Variants in DHRSX observed in about 807,000 individuals in gnomAD.
DHRSX encodes dehydrogenase/reductase X-linked.
Under a neutral mutation model 34.0 loss-of-function variants are expected in DHRSX, and 31 were observed. The ratio of observed to expected loss-of-function variants is 0.91; its 90% CI spans 0.69 to 1.23. DHRSX has a LOEUF of 1.23. Among genes scored for constraint, DHRSX ranks in the 50% most tolerant of loss-of-function variants. The pLI is 0.00. For synonymous variants in DHRSX, 201 were observed against 183.8 expected, an observed-to-expected ratio of 1.09 and a Z score of -0.76; for missense variants, 414 against 428.1, an observed-to-expected ratio of 0.97 and a Z score of 0.29.
chrX:2,253,953 C>T (rs2016501399), intron 5 of DHRSX, among the ~76,000 whole-genome samples: 1 of 151,794 alleles, frequency 6.6e-6, no homozygotes, highest in Non-Finnish European at 1.5e-5. Context: ...CCCAGCTACT[C>T]GGGAGGTTGA....
chrX:2,471,731 A>G (rs2044596296), intron 1 of DHRSX, among the ~76,000 whole-genome samples: 1 of 152,220 alleles, frequency 6.6e-6, no homozygotes, highest in Admixed American at 6.5e-5. Context: ...ACACCCCTCC[A>G]GTAGGAAGCA....
intron 3 of DHRSX, among the ~76,000 whole-genome samples, chrX:2,399,292 T>G (rs181760474): frequency 2.3e-3 from 353 of 152,060 alleles, no homozygotes; most frequent in South Asian, 4.8e-3. Context: ...GTCTATCTGT[T>G]TATCTACGCA....
At chrX:2,326,283 G>A (rs1467907291) in intron 3 of DHRSX, among the ~76,000 whole-genome samples, 2 of 152,174 alleles carry the variant, frequency 1.3e-5, no homozygotes, top group Non-Finnish European at 2.9e-5. Flanking sequence ...AGCACTTTGG[G>A]AGGCCAAGGC....
At chrX:2,459,000 G>A (rs919583059) in intron 1 of DHRSX, among the ~76,000 whole-genome samples, 13 of 151,882 alleles carry the variant, frequency 8.6e-5, no homozygotes, top group African/African-American at 2.9e-4. Flanking sequence ...TTAACCAGGT[G>A]TGGTGGTGTG....
chrX:2,411,918 G>A (rs2043635390), intron 2 of DHRSX, among the ~76,000 whole-genome samples: 1 of 152,194 alleles, frequency 6.6e-6, no homozygotes, highest in Non-Finnish European at 1.5e-5. Context: ...CATTTTCCAT[G>A]GTGGCACCGT....
intron 5 of DHRSX, among the ~76,000 whole-genome samples, chrX:2,259,381 T>G (rs867786304): frequency 1.8e-4 from 11 of 60,570 alleles, no homozygotes; most frequent in African/African-American, 5.8e-4. Flanking sequence ...TATAGATATA[T>G]ATATAGATAT....
At position 2,373,740 on chromosome X, in the gene DHRSX, G is replaced by A. The variant is rs180992124; in HGVS notation, c.286+35005C>T. On this transcript the variant is annotated intron_variant, in intron 3 of 6. Transcript: ENST00000334651. ...CTGCGTACCTGACGCGGTGTGGACA[G>A]TTCGCACCCACATAGAGTTTGCAAG... Among the ~76,000 whole-genome samples the A allele has an allele frequency of 2.8e-3, 420 of 151,486 alleles. 1 individual carries two copies. The highest frequency in any genetic ancestry group is 9.2e-3 in the African/African-American group (377 of 40,948).
chrX:2,460,690 C>A (rs1443382626), intron 1 of DHRSX, among the ~76,000 whole-genome samples: 2 of 151,188 alleles, frequency 1.3e-5, no homozygotes, highest in African/African-American at 2.4e-5. Context: ...CTCAAGTGAT[C>A]CTCCCACCTC....
intron 5 of DHRSX, among the ~76,000 whole-genome samples, chrX:2,254,160 A>T (rs751123955): frequency 6.6e-6 from 1 of 152,346 alleles, no homozygotes; most frequent in East Asian, 1.9e-4. Context: ...CAGTCTCCGT[A>T]GGCGGTGTCC....
chrX:2,237,808 GCT>G (rs1299522760), intron 6 of DHRSX, among the ~76,000 whole-genome samples: 1 of 152,002 alleles, frequency 6.6e-6, no homozygotes, highest in Non-Finnish European at 1.5e-5. Context: ...CCAGCCGATA[GCT>G]CTTTTTTGTA....
chrX:2,462,048 GATA>G (rs2044409376), intron 1 of DHRSX, among the ~76,000 whole-genome samples: 1 of 152,090 alleles, frequency 6.6e-6, no homozygotes, highest in Non-Finnish European at 1.5e-5. Context: ...GCTCTTTTGT[GATA>G]ATATTAACAC....
chrX:2,223,188 G>A (rs1030852985), intron 6 of DHRSX, among the ~76,000 whole-genome samples: 15 of 151,788 alleles, frequency 9.9e-5, no homozygotes, highest in African/African-American at 3.7e-4. Flanking sequence ...GAGGGAGCCA[G>A]TGGGAGGTAA....
intron 1 of DHRSX, among the ~76,000 whole-genome samples, chrX:2,462,356 G>A (rs2044414602): frequency 6.6e-6 from 1 of 151,868 alleles, no homozygotes; most frequent in Non-Finnish European, 1.5e-5. Flanking sequence ...ACGGTTAAGG[G>A]AAAAAAAGGC....
intron 1 of DHRSX, among the ~76,000 whole-genome samples, chrX:2,452,933 C>T (rs2044245515): frequency 6.6e-6 from 1 of 152,244 alleles, no homozygotes; most frequent in East Asian, 1.9e-4. Context: ...CCACTGTGCA[C>T]TGCAGCACTA....
intron 1 of DHRSX, among the ~76,000 whole-genome samples, chrX:2,431,388 C>T (rs1168047057): frequency 6.6e-6 from 1 of 151,630 alleles, no homozygotes; most frequent in African/African-American, 2.4e-5. Flanking sequence ...TTGACAGACA[C>T]CTAAGTTTGA....
At chrX:2,439,927 G>C (rs1296915164) in intron 1 of DHRSX, among the ~76,000 whole-genome samples, 3 of 152,114 alleles carry the variant, frequency 2.0e-5, no homozygotes, top group Non-Finnish European at 4.4e-5. Flanking sequence ...CTGGGGACCG[G>C]TACTGGATGC....
chrX:2,500,664 C>CCCCCCCCCCCCCCCCA, intron 1 of DHRSX, 153 bp downstream of exon 1: 1 of 129,892 alleles, frequency 7.7e-6, no homozygotes, highest in Non-Finnish European at 1.7e-5. Context: ...GCCCCCCCCC[C>CCCCCCCCCCCCCCCCA]ACCCCCGGCC....
intron 1 of DHRSX, among the ~76,000 whole-genome samples, chrX:2,434,020 C>T (rs1297180940): frequency 3.3e-5 from 5 of 152,126 alleles, no homozygotes; most frequent in South Asian, 2.1e-4. Flanking sequence ...TCTCGTGATC[C>T]GCCCGCCTCG....
At chrX:2,302,107 A>C (rs1415472595) in intron 3 of DHRSX, among the ~76,000 whole-genome samples, 1 of 152,120 alleles carries the variant, frequency 6.6e-6, no homozygotes, top group African/African-American at 2.4e-5. Context: ...GGACACTTTA[A>C]ATAACACAAC....
Sources: gnomAD v4.1 joint callset for allele counts (sites outside exome capture counted in the v4.1 genomes callset) on GRCh38, gnomAD v4.1.1 for gene constraint, MANE v1.5 for transcripts, NCBI Gene and HGNC (gene_info 2026-07-23, HGNC 2026-07-21) for gene names.